GRK4: variants seen among roughly 807,000 people sequenced by gnomAD.
GRK4 encodes G protein-coupled receptor kinase 2-like.
Under a neutral mutation model 77.9 loss-of-function variants are expected in GRK4, and 73 were observed. The ratio of observed to expected loss-of-function variants is 0.94; its 90% confidence interval spans 0.78 to 1.14. The LOEUF (loss-of-function observed/expected upper bound fraction) is 1.14, where lower values mean the gene tolerates loss of function less well. GRK4 is among the 50% of genes most tolerant of loss of function. The probability of loss-of-function intolerance (pLI) is 0.00; values close to 1 mark genes in which losing one functional copy is unlikely to be tolerated. For missense variants in GRK4, 729 were observed against 700.2 expected (o/e 1.04, Z -0.46); for synonymous variants, 257 against 254.4 (o/e 1.01, Z -0.10).
At chr4:3,032,417 C>T (rs956109291) in intron 12 of GRK4, among the ~76,000 whole-genome samples, 8 of 151,896 alleles carry the variant, frequency 5.3e-5, no homozygotes, top group East Asian at 3.9e-4. Context: ...AGCATGACTC[C>T]GTCTCAAAAA....
chr4:2,984,385 G>A, intron 1 of GRK4, 128 bp from the exon 2 acceptor site: 2 of 496,526 alleles, frequency 4.0e-6, no homozygotes, highest in Non-Finnish European at 7.5e-6. Flanking sequence ...TTATAAGCAT[G>A]TATTTTTATT....
At chr4:2,996,273 G>C (rs1217640130) in intron 4 of GRK4, among the ~76,000 whole-genome samples, 1 of 152,088 alleles carries the variant, frequency 6.6e-6, no homozygotes, top group Admixed American at 6.6e-5. Context: ...ATGCCTCTTA[G>C]GCCGGGCGCG....
At chr4:3,003,276 G>A (rs891646298) in intron 4 of GRK4, among the ~76,000 whole-genome samples, 1 of 152,084 alleles carries the variant, frequency 6.6e-6, no homozygotes, top group Non-Finnish European at 1.5e-5. Context: ...TGCAACCTCC[G>A]CCTCTCAGCT....
At chr4:3,010,750 C>T (rs138665671) in intron 7 of GRK4, among the ~76,000 whole-genome samples, 1 of 152,232 alleles carries the variant, frequency 6.6e-6, no homozygotes, top group East Asian at 1.9e-4. Context: ...GTTACACTGC[C>T]CGGGTGTGAC....
intron 14 of GRK4, 86 bp from the exon 15 acceptor site, chr4:3,038,290 T>C: frequency 1.3e-6 from 2 of 1,532,280 alleles, no homozygotes; most frequent in Non-Finnish European, 1.8e-6. Context: ...CGCACGGGGC[T>C]GGGCAGGAGC....
intron 6 of GRK4, 46 bp from the exon 7 acceptor site, chr4:3,009,602 G>C: frequency 6.9e-7 from 1 of 1,449,366 alleles, no homozygotes; most frequent in Non-Finnish European, 9.7e-7. Flanking sequence ...TTTTTTAAAA[G>C]AACAATGCAA....
At chr4:2,981,900 C>T (rs1251731931) in intron 1 of GRK4, among the ~76,000 whole-genome samples, 1 of 152,276 alleles carries the variant, frequency 6.6e-6, no homozygotes, top group Non-Finnish European at 1.5e-5. Flanking sequence ...CTGCCATGCT[C>T]ATTGGTGTCC....
At chr4:3,012,267 G>C (rs1352919510) in intron 7 of GRK4, among the ~76,000 whole-genome samples, 1 of 152,248 alleles carries the variant, frequency 6.6e-6, no homozygotes, top group East Asian at 1.9e-4. Context: ...AACATTTCAC[G>C]ATAGGAAAAT....
chr4:2,965,216 T>A (rs968260349), intron 1 of GRK4: 2 of 695,358 alleles, frequency 2.9e-6, no homozygotes, highest in Non-Finnish European at 5.3e-6. Flanking sequence ...AATATCCTCC[T>A]GTTTTCACCC....
intron 4 of GRK4, among the ~76,000 whole-genome samples, chr4:2,994,941 A>G (rs189152845): frequency 1.3e-5 from 2 of 152,218 alleles, no homozygotes; most frequent in Non-Finnish European, 2.9e-5. Flanking sequence ...CACATCCCCC[A>G]TCCTCCAATA....
intron 1 of GRK4, among the ~76,000 whole-genome samples, chr4:2,977,278 C>A (rs1346626361): frequency 2.0e-5 from 3 of 152,184 alleles, no homozygotes; most frequent in Admixed American, 2.0e-4. Flanking sequence ...GCTGTTTGAC[C>A]TGTTTGCTAG....
intron 8 of GRK4, among the ~76,000 whole-genome samples, chr4:3,016,662 T>C (rs1022878355): frequency 3.1e-4 from 46 of 149,754 alleles, no homozygotes; most frequent in Non-Finnish European, 1.3e-4. Context: ...TATTGCCCAC[T>C]GCACTCCAGC....
intron 1 of GRK4, among the ~76,000 whole-genome samples, chr4:2,981,718 G>A (rs552583510): frequency 4.3e-4 from 65 of 152,356 alleles, no homozygotes; most frequent in African/African-American, 1.5e-3. Flanking sequence ...TGCAGAACTG[G>A]CAGCCCGGCT....
At chr4:3,025,721 G>A (rs1454927027) in intron 10 of GRK4, among the ~76,000 whole-genome samples, 2 of 152,046 alleles carry the variant, frequency 1.3e-5, no homozygotes, top group South Asian at 2.1e-4. Flanking sequence ...TTATAATTAT[G>A]TAAAACATTT....
At chr4:3,005,582 C>G (rs1394378108) in intron 5 of GRK4, among the ~76,000 whole-genome samples, 1 of 152,036 alleles carries the variant, frequency 6.6e-6, no homozygotes, top group Non-Finnish European at 1.5e-5. Flanking sequence ...GCGGGCAGAT[C>G]GCTTGAGGCC....
Position 2,994,431 on chromosome 4 carries a change from G to A in GRK4, c.339+2139G>A, listed in dbSNP as rs529743783. On this transcript the variant is annotated intron_variant, in intron 4 of 15. Coordinates refer to ENST00000398052, the MANE Select transcript of GRK4 (RefSeq NM_182982.3). ...TTGCCATATTGGCCAGGCTAGTCTCGAACTCCTGGCCTCAAGTGATCTGCC... is the reference window on the plus strand; with the variant it reads ...TTGCCATATTGGCCAGGCTAGTCTCAAACTCCTGGCCTCAAGTGATCTGCC... Among the ~76,000 whole-genome samples the A allele has an allele frequency of 8.1e-4, 123 of 152,206 alleles. 1 individual carries two copies. Among genetic ancestry groups the A allele is most frequent in the Non-Finnish European group, 1.0e-4 (7 of 68,004 alleles).
chr4:3,022,271 C>A, intron 9 of GRK4, 143 bp from the exon 10 acceptor site: 1 of 686,646 alleles, frequency 1.5e-6, no homozygotes, highest in Non-Finnish European at 2.6e-6. Context: ...CATTCTTGTC[C>A]TGCCTGTTTG....
intron 1 of GRK4, among the ~76,000 whole-genome samples, chr4:2,979,775 A>T (rs1205967082): frequency 1.3e-5 from 2 of 152,120 alleles, no homozygotes; most frequent in Non-Finnish European, 2.9e-5. Context: ...GCTGCTGAGG[A>T]GGCTGAGGTA....
At chr4:2,995,721 T>G (rs989603279) in intron 4 of GRK4, among the ~76,000 whole-genome samples, 21 of 151,688 alleles carry the variant, frequency 1.4e-4, no homozygotes, top group African/African-American at 5.1e-4. Context: ...GACAGCTGCG[T>G]GGGACACACT....
Sources: gnomAD v4.1 joint callset for allele counts (sites outside exome capture counted in the v4.1 genomes callset) on GRCh38, gnomAD v4.1.1 for gene constraint, MANE v1.5 for transcripts, NCBI Gene and HGNC (gene_info 2026-07-23, HGNC 2026-07-21) for gene names.